The following SMYD3 variants were observed in gnomAD, a reference collection of about 807,000 sequenced individuals.
SMYD3 encodes the protein histone-lysine N-methyltransferase SMYD3.
A neutral mutation model predicts 57.7 loss-of-function variants in SMYD3; 36 were observed. That is an observed-to-expected ratio of 0.62 (90% CI 0.48 to 0.82). SMYD3 has a LOEUF of 0.82. Ranked by LOEUF, SMYD3 falls within the 40% of genes least tolerant of loss-of-function variation. SMYD3 has a pLI of 0.00. For synonymous variants in SMYD3, 211 were observed against 195.0 expected, an observed-to-expected ratio of 1.08 and a Z score of -0.68; for missense variants, 515 against 538.8, an observed-to-expected ratio of 0.96 and a Z score of 0.44.
At chr1:246,502,501 T>C (rs2068472328) in intron 1 of SMYD3, among the ~76,000 whole-genome samples, 1 of 152,192 alleles carries the variant, frequency 6.6e-6, no homozygotes, top group Non-Finnish European at 1.5e-5. Flanking sequence ...ATTAATCTAA[T>C]ATTCCTCATG....
intron 5 of SMYD3, among the ~76,000 whole-genome samples, chr1:245,958,299 T>C (rs1431641334): frequency 1.3e-5 from 2 of 152,176 alleles, no homozygotes; most frequent in Non-Finnish European, 2.9e-5. Flanking sequence ...AATACAATCA[T>C]ACACGATGCA....
chr1:246,269,852 C>A lies in SMYD3; in HGVS notation c.531+57349G>T, dbSNP rs192322313. Among the ~76,000 whole-genome samples, 7 of 152,222 alleles carry A rather than the reference C, an allele frequency of 4.6e-5. No individual in the cohort carries two copies. The South Asian group carries it at 8.3e-4, about 18-fold the overall frequency. On this transcript the variant is annotated intron_variant, in intron 5 of 11. Transcript: ENST00000490107. ...CCTCCCAAAGTGCTGGGATTCCGGG[C>A]GTGTACCACCACACCCAGCGGTCAA...
intron 5 of SMYD3, among the ~76,000 whole-genome samples, chr1:246,210,684 TG>T (rs34713966): frequency 0.28 from 42,041 of 150,748 alleles, 6,402 homozygotes; most frequent in East Asian, 0.56. Flanking sequence ...CACTCCAGCC[TG>T]GGCAACAAGG....
At chr1:245,906,646 T>C (rs1338421055) in intron 8 of SMYD3, among the ~76,000 whole-genome samples, 1 of 152,222 alleles carries the variant, frequency 6.6e-6, no homozygotes, top group Non-Finnish European at 1.5e-5. Flanking sequence ...GCTGGGTATA[T>C]ACCCAAAACA....
At chr1:246,382,114 C>G (rs2066397001) in intron 1 of SMYD3, among the ~76,000 whole-genome samples, 1 of 150,064 alleles carries the variant, frequency 6.7e-6, no homozygotes, top group Non-Finnish European at 1.5e-5. Context: ...CAGCTGACAC[C>G]TATGGGATCC....
chr1:246,438,072 G>T (rs1303287610), intron 1 of SMYD3, among the ~76,000 whole-genome samples: 3 of 147,286 alleles, frequency 2.0e-5, no homozygotes, highest in African/African-American at 4.9e-5. Context: ...ATAGAGGGGG[G>T]AAAAACCCTG....
intron 5 of SMYD3, among the ~76,000 whole-genome samples, chr1:246,130,375 A>C (rs2061570124): frequency 1.3e-5 from 2 of 152,170 alleles, no homozygotes; most frequent in South Asian, 4.1e-4. Flanking sequence ...CCAAAAACCA[A>C]AATATTTAAA....
rs141594407 is a variant in SMYD3 at position 246,292,470 on chromosome 1, C to T, written c.531+34731G>A. Among the ~76,000 whole-genome samples, 518 of 152,292 alleles carry T rather than the reference C, an allele frequency of 3.4e-3. 4 individuals carry two copies. The highest frequency in any genetic ancestry group is 0.012 in the African/African-American group (484 of 41,520). On this transcript the variant is annotated intron_variant, in intron 5 of 11. Coordinates refer to ENST00000490107, the MANE Select transcript of SMYD3 (RefSeq NM_001167740.2). ...CCAACACACCAGCATCTTAGACTTA[C>T]TATCCAATACACCAGTACCTTAGAC...
chr1:246,381,078 C>G (rs2066379816), intron 1 of SMYD3, among the ~76,000 whole-genome samples: 1 of 152,110 alleles, frequency 6.6e-6, no homozygotes, highest in African/African-American at 2.4e-5. Flanking sequence ...TTCAGAGGAG[C>G]TGGCAATTTT....
intron 5 of SMYD3, among the ~76,000 whole-genome samples, chr1:245,955,152 C>T (rs6695729): frequency 0.16 from 23,788 of 152,116 alleles, 2,101 homozygotes; most frequent in East Asian, 0.35. Context: ...ACTGCAGTGG[C>T]GCGATCTCAG....
At chr1:246,427,581 A>C (rs1300727196) in intron 1 of SMYD3, among the ~76,000 whole-genome samples, 1 of 152,142 alleles carries the variant, frequency 6.6e-6, no homozygotes, top group Admixed American at 6.5e-5. Context: ...AAGATTAAGC[A>C]GGCCAGGTGT....
At chr1:246,269,543 C>CTTTTTTT (rs570972296) in intron 5 of SMYD3, among the ~76,000 whole-genome samples, 1 of 135,218 alleles carries the variant, frequency 7.4e-6, no homozygotes, top group African/African-American at 2.7e-5. Flanking sequence ...CTTTTTTTTT[C>CTTTTTTT]TTTTTTTTTT....
At chr1:246,046,955 T>C (rs1183058259) in intron 5 of SMYD3, among the ~76,000 whole-genome samples, 3 of 151,906 alleles carry the variant, frequency 2.0e-5, no homozygotes, top group African/African-American at 7.2e-5. Context: ...ACAAAATATA[T>C]ATAAACTCTA....
intron 7 of SMYD3, among the ~76,000 whole-genome samples, chr1:245,921,547 G>GTATATATATATATATATAATA (rs1491323831): frequency 2.3e-4 from 8 of 35,086 alleles, no homozygotes; most frequent in African/African-American, 4.5e-4. Flanking sequence ...AAAAAATGTG[G>GTATATATATATATATATAATA]TGTATATATA....
rs149231139 is a variant in SMYD3 at position 245,793,354 on chromosome 1, T to C, written c.1077-29205A>G. ...TCTTCCATTTAAAGTTTCACTTGCA[T>C]ACTTGCATGTTTTCCCGCTGGCAGA... On this transcript the variant is annotated intron_variant, in intron 10 of 11. Coordinates refer to ENST00000490107, the MANE Select transcript of SMYD3 (RefSeq NM_001167740.2). Among the ~76,000 whole-genome samples, 199 of 151,962 alleles carry C rather than the reference T, an allele frequency of 1.3e-3. 2 individuals are homozygous for C. The highest frequency in any genetic ancestry group is 4.6e-3 in the African/African-American group (189 of 41,422).
At chr1:246,294,149 C>A (rs896832125) in intron 5 of SMYD3, among the ~76,000 whole-genome samples, 5 of 152,130 alleles carry the variant, frequency 3.3e-5, no homozygotes, top group African/African-American at 9.7e-5. Flanking sequence ...CCTACCCTCT[C>A]CCTACATTCC....
intron 5 of SMYD3, among the ~76,000 whole-genome samples, chr1:246,198,704 T>C (rs1194232504): frequency 6.6e-6 from 1 of 152,230 alleles, no homozygotes; most frequent in African/African-American, 2.4e-5. Flanking sequence ...CTGCTTTGAA[T>C]GTTGTAATTG....
intron 5 of SMYD3, among the ~76,000 whole-genome samples, chr1:245,962,845 ACCAAGTTT>A (rs1180590844): frequency 3.3e-5 from 5 of 152,038 alleles, no homozygotes; most frequent in Non-Finnish European, 4.4e-5. Context: ...AAAAAGAAAA[ACCAAGTTT>A]CAGATCTTGC....
intron 5 of SMYD3, among the ~76,000 whole-genome samples, chr1:246,284,797 A>G (rs950578933): frequency 6.6e-6 from 1 of 152,070 alleles, no homozygotes; most frequent in African/African-American, 2.4e-5. Flanking sequence ...AGTATGGTAA[A>G]TTGTATTAAT....
Sources: gnomAD v4.1 joint callset for allele counts (sites outside exome capture counted in the v4.1 genomes callset) on GRCh38, gnomAD v4.1.1 for gene constraint, MANE v1.5 for transcripts, NCBI Gene and HGNC (gene_info 2026-07-23, HGNC 2026-07-21) for gene names.